OR2M4: variants seen among roughly 807,000 people sequenced by gnomAD.
OR2M4 encodes the protein olfactory receptor family 2 subfamily M member 4, also known as olfactory receptor 2M4.
Under a neutral mutation model 13.7 loss-of-function variants are expected in OR2M4, and 8 were observed. The ratio of observed to expected loss-of-function variants is 0.58; its 90% CI spans 0.34 to 1.05. OR2M4 has a LOEUF of 1.05. Among genes scored for constraint, OR2M4 ranks in the 50% least tolerant of loss-of-function variants. The pLI is 0.02. For missense variants in OR2M4, 374 were observed against 381.6 expected (o/e 0.98, Z 0.17); for synonymous variants, 152 against 141.3 (o/e 1.08, Z -0.53).
At chr1:248,235,053 G>T (rs1326204433) in intron 1 of OR2M4, among the ~76,000 whole-genome samples, 4 of 152,076 alleles carry the variant, frequency 2.6e-5, no homozygotes, top group Admixed American at 6.6e-5. Flanking sequence ...AATTGCTTTA[G>T]GTGATTTTAT....
At position 248,241,634 on chromosome 1, in the gene OR2M4, A is replaced by C. The variant is rs1002532829; in HGVS notation, c.*1770A>C. ...ATGCAGTGGCTCGCTCATGCCTGTA[A>C]TCCCAGCACTTTGGGAGGCCGAGGC... On this transcript the variant is annotated 3_prime_UTR_variant, in exon 2 of 2. Transcript: ENST00000641868. The C allele has an allele frequency of 1.3e-5, 2 of 152,324 alleles. No homozygotes were observed. Among genetic ancestry groups the C allele is most frequent in the Non-Finnish European group, 2.9e-5 (2 of 68,036 alleles). 9.4% of individuals were successfully genotyped at this position (152,324 alleles called of 1,614,324 possible). A position where few individuals can be genotyped will look rare whatever the true frequency, so the allele number is the denominator to read the frequency against.
rs561568742 is a variant in OR2M4, at chr1:248,243,443, G to A, written c.*3579G>A. The A allele has an allele frequency of 6.6e-6, 1 of 152,272 alleles. No individual in the cohort carries two copies. Among genetic ancestry groups the A allele is most frequent in the South Asian group, 2.1e-4 (1 of 4,830 alleles). The allele number at this position is 152,272 out of a possible 1,614,324, so 9.4% of individuals were successfully genotyped here. A position where few individuals can be genotyped will look rare whatever the true frequency, so the allele number is the denominator to read the frequency against. Reference sequence around the variant, plus strand: ...TTACCAGGACGACTCCTGAGCCTTGGAGGAGGCCCCTCCAATTACTAGCAC... The same window carrying A: ...TTACCAGGACGACTCCTGAGCCTTGAAGGAGGCCCCTCCAATTACTAGCAC... On this transcript the variant is annotated 3_prime_UTR_variant, in exon 2 of 2. Transcript: ENST00000641868.
rs1666601839 is a variant in OR2M4, at chr1:248,239,985, A to G, written c.*121A>G. 4.6e-6 allele frequency: 3 copies of G among 649,078 alleles called. No individual in the cohort carries two copies. The Admixed American group carries it at 9.7e-5, about 21-fold the overall frequency. The allele number at this position is 649,078 out of a possible 1,614,324, so 40.2% of individuals were successfully genotyped here. A position where few individuals can be genotyped will look rare whatever the true frequency, so the allele number is the denominator to read the frequency against. Reference sequence around the variant, plus strand: ...GTATTAATATTTTCCACTTCTTTTCAAAATTATCTATTCAGTATATTATTA... The same window carrying G: ...GTATTAATATTTTCCACTTCTTTTCGAAATTATCTATTCAGTATATTATTA... On this transcript the variant is annotated 3_prime_UTR_variant, in exon 2 of 2. Transcript: ENST00000641868.
At chr1:248,232,525 T>A (rs1311500131) in intron 1 of OR2M4, among the ~76,000 whole-genome samples, 1 of 152,160 alleles carries the variant, frequency 6.6e-6, no homozygotes, top group Non-Finnish European at 1.5e-5. Flanking sequence ...TAGCACTTAT[T>A]TTCCTCATAT....
At chr1:248,236,279 G>A (rs57611465) in intron 1 of OR2M4, among the ~76,000 whole-genome samples, 5,129 of 152,040 alleles carry the variant, frequency 0.034, 245 homozygotes, top group African/African-American at 0.11. Context: ...ACACAACTAC[G>A]TAGAAATTGA....
intron 1 of OR2M4, among the ~76,000 whole-genome samples, chr1:248,236,432 A>C (rs1666556904): frequency 6.6e-6 from 1 of 152,192 alleles, no homozygotes; most frequent in Non-Finnish European, 1.5e-5. Context: ...GGAAACTTAG[A>C]GCACTAAATG....
intron 1 of OR2M4, among the ~76,000 whole-genome samples, chr1:248,237,695 C>G (rs1666572591): frequency 1.3e-5 from 2 of 152,106 alleles, no homozygotes; most frequent in South Asian, 4.1e-4. Context: ...TCTCAATAAA[C>G]TAGGTATTGA....
intron 1 of OR2M4, among the ~76,000 whole-genome samples, chr1:248,237,169 T>C (rs1444332234): frequency 6.6e-6 from 1 of 152,120 alleles, no homozygotes; most frequent in East Asian, 1.9e-4. Context: ...CTCAGTAAAA[T>C]ACTAGCAAAC....
chr1:248,239,713 C>T lies in OR2M4; in HGVS notation c.785C>T (p.Pro262Leu). The change falls in exon 2 of 2, where the codon CCA (proline) becomes CTA (leucine). Residue 262 changes from proline to leucine, a missense_variant. Pro to Leu is a moderately conservative substitution (Grantham distance 98, BLOSUM62 -3). Transcript: ENST00000641868. ...YGAAMFMYMR[P>L]ASKHTPDQDK... ...GCTGCTATGTTCATGTACATGAGAC[C>T]AGCTTCTAAACATACGCCAGACCAG... is the stretch of plus-strand genomic sequence containing the variant. The T allele has an allele frequency of 6.2e-7, 1 of 1,614,016 alleles. No homozygotes were observed. The highest frequency in any genetic ancestry group is 2.2e-5 in the East Asian group (1 of 44,864).
rs567600397 is a variant in OR2M4, at chr1:248,243,847, C to G, written c.*3983C>G. On this transcript the variant is annotated 3_prime_UTR_variant, in exon 2 of 2. Transcript: ENST00000641868. Reference sequence around the variant, plus strand: ...TCTATACGGAACTTAAGTCAACAAGCAAAACCCCATTAAATAATCCCATTA... The same window carrying G: ...TCTATACGGAACTTAAGTCAACAAGGAAAACCCCATTAAATAATCCCATTA... 5.1e-4 allele frequency: 77 copies of G among 152,244 alleles called. 1 individual carries two copies. Among genetic ancestry groups the G allele is most frequent in the African/African-American group, 1.7e-3 (72 of 41,518 alleles). The allele number at this position is 152,244 out of a possible 1,614,324, so 9.4% of individuals were successfully genotyped here.
rs1572807629 is a variant in OR2M4 at position 248,239,851 on chromosome 1, G to T, written c.923G>T (p.Arg308Ile). Residue 308 changes from arginine (R) to isoleucine (I), a missense_variant, in exon 2 of 2, where the codon AGA becomes ATA. Physicochemically the swap from Arg to Ile is moderately conservative, Grantham distance 97. Coordinates refer to ENST00000641868, the MANE Select transcript of OR2M4 (RefSeq NM_017504.2). ...FRALQKVLKKRKLI is the reference protein window; with the variant it reads ...FRALQKVLKKIKLI ...GCACTACAGAAGGTACTGAAGAAAA[G>T]AAAGTTAATATGACCTTATCAAAAT... is the stretch of plus-strand genomic sequence containing the variant. 2.5e-6 allele frequency: 4 copies of T among 1,593,620 alleles called. No homozygotes were observed. Among genetic ancestry groups the T allele is most frequent in the African/African-American group, 2.7e-5 (2 of 74,040 alleles).
chr1:248,239,445 G>A lies in OR2M4; in HGVS notation c.517G>A (p.Glu173Lys). 1.2e-6 allele frequency: 2 copies of A among 1,614,004 alleles called. No homozygotes were observed. The highest frequency in any genetic ancestry group is 1.7e-6 in the Non-Finnish European group (2 of 1,179,994). ...GTCATTTTCTTACTGCAGCTCTCTG[G>A]AAATTCATCACTTTTTCTGTGATGT... The part of the protein sequence containing the change: ...VLSFSYCSSL[E>K]IHHFFCDVAA... The change falls in exon 2 of 2, where the codon GAA (glutamate) becomes AAA (lysine). Residue 173 changes from glutamate (E) to lysine (K), a missense_variant. Coordinates refer to ENST00000641868, the MANE Select transcript of OR2M4 (RefSeq NM_017504.2).
In OR2M4 at chr1:248,239,661, C is replaced by A; in HGVS notation, c.733C>A (p.Leu245Met). 6.2e-7 allele frequency: 1 copy of A among 1,614,116 alleles called. No individual in the cohort carries two copies. The highest frequency in any genetic ancestry group is 8.5e-7 in the Non-Finnish European group (1 of 1,180,014). The change falls in exon 2 of 2, where the codon CTG (leucine) becomes ATG (methionine). Residue 245 changes from leucine to methionine, a missense_variant. By Grantham distance (15) the Leu-to-Met change is conservative (BLOSUM62 2). Transcript: ENST00000641868. ...RKAFTTCSSH[L>M]SVVGLYYGAA... ...GGCCTTCACTACCTGCTCCTCCCAC[C>A]TGTCTGTGGTCGGACTCTACTACGG...
Position 248,242,838 on chromosome 1 carries a change from T to C in OR2M4, c.*2974T>C. 1 of 152,162 alleles carries C rather than the reference T, an allele frequency of 6.6e-6. No individual in the cohort carries two copies. Among genetic ancestry groups the C allele is most frequent in the Admixed American group, 6.5e-5 (1 of 15,280 alleles). The allele number at this position is 152,162 out of a possible 1,614,324, so 9.4% of individuals were successfully genotyped here. A position where few individuals can be genotyped will look rare whatever the true frequency, so the allele number is the denominator to read the frequency against. The stretch of plus-strand genomic sequence containing the variant: ...TGTACATTTGATTTTACACATAATA[T>C]GCAGAAAAAAGTAATTTTAATATGC... On this transcript the variant is annotated 3_prime_UTR_variant, in exon 2 of 2. Coordinates refer to ENST00000641868, the MANE Select transcript of OR2M4 (RefSeq NM_017504.2).
chr1:248,235,470 A>C (rs150960428), intron 1 of OR2M4, among the ~76,000 whole-genome samples: 2,676 of 152,132 alleles, frequency 0.018, 98 homozygotes, highest in African/African-American at 0.06. Flanking sequence ...TTTGCTTAGG[A>C]TTGACTTGGC....
At position 248,242,848 on chromosome 1, in the gene OR2M4, AG is replaced by A; in HGVS notation, c.*2985del. 6.6e-6 allele frequency: 1 copy of A among 152,316 alleles called. No individual in the cohort carries two copies. Among genetic ancestry groups the A allele is most frequent in the East Asian group, 1.9e-4 (1 of 5,194 alleles). The allele number at this position is 152,316 out of a possible 1,614,324, so 9.4% of individuals were successfully genotyped here. On this transcript the variant is annotated 3_prime_UTR_variant, in exon 2 of 2. Transcript: ENST00000641868. Reference sequence around the variant, plus strand: ...ATTTTACACATAATATGCAGAAAAAAGTAATTTTAATATGCAATTATGTAAA... The same window carrying A: ...ATTTTACACATAATATGCAGAAAAAATAATTTTAATATGCAATTATGTAAA...
At chr1:248,237,545 T>C (rs902958230) in intron 1 of OR2M4, among the ~76,000 whole-genome samples, 1 of 151,594 alleles carries the variant, frequency 6.6e-6, no homozygotes, top group African/African-American at 2.4e-5. Flanking sequence ...CTCAGCTACT[T>C]GGGAGGCTGA....
chr1:248,239,059 C>T lies in OR2M4; in HGVS notation c.131C>T (p.Ser44Phe). 1 of 1,614,014 alleles carries T rather than the reference C, an allele frequency of 6.2e-7. No individual in the cohort carries two copies. The highest frequency in any genetic ancestry group is 8.5e-7 in the Non-Finnish European group (1 of 1,179,962). Residue 44 changes from serine (S) to phenylalanine (F), a missense_variant, in exon 2 of 2, where the codon TCC (serine) becomes TTC (phenylalanine). Transcript: ENST00000641868. ...TCACTGGCATTGATGGAAAATATTT[C>T]CATGGTTCTCCTCATCTACATAGAG... ...IFSLALMENI[S>F]MVLLIYIEKQ...
In OR2M4 at chr1:248,243,893, A is replaced by C. The variant is rs556620363; in HGVS notation, c.*4029A>C. 1.3e-5 allele frequency: 2 copies of C among 152,348 alleles called. No homozygotes were observed. The highest frequency in any genetic ancestry group is 3.9e-4 in the East Asian group (2 of 5,188). 9.4% of individuals were successfully genotyped at this position (152,348 alleles called of 1,614,324 possible). A position where few individuals can be genotyped will look rare whatever the true frequency, so the allele number is the denominator to read the frequency against. ...CATTAAAAAGTGGGCAAAGCACATG[A>C]CCATGCATTTCTCAAAAGAAGGCAT... On this transcript the variant is annotated 3_prime_UTR_variant, in exon 2 of 2. Coordinates refer to ENST00000641868, the MANE Select transcript of OR2M4 (RefSeq NM_017504.2).
Sources: gnomAD v4.1 joint callset for allele counts (sites outside exome capture counted in the v4.1 genomes callset) on GRCh38, gnomAD v4.1.1 for gene constraint, MANE v1.5 for transcripts, NCBI Gene and HGNC (gene_info 2026-07-23, HGNC 2026-07-21) for gene names.